ENOSF1: variants seen among roughly 807,000 people sequenced by gnomAD.
ENOSF1 encodes mitochondrial enolase superfamily member 1.
Under a neutral mutation model 68.2 loss-of-function variants are expected in ENOSF1, and 73 were observed. The observed-to-expected ratio is 1.07, with a 90% CI of 0.89 to 1.30. ENOSF1 has a LOEUF of 1.30. Ranked by LOEUF, ENOSF1 falls within the 50% of genes most tolerant of loss-of-function variation. The pLI, the probability that ENOSF1 is intolerant of heterozygous loss-of-function variation, is 0.00. For missense variants in ENOSF1, 589 were observed against 554.5 expected (o/e 1.06, Z -0.62); for synonymous variants, 223 against 210.4 (o/e 1.06, Z -0.52).
In ENOSF1 at chr18:675,321, C is replaced by G. The variant is rs996825186; in HGVS notation, c.1230G>C (p.Lys410Asn). Residue 410 changes from lysine to asparagine, a missense_variant and splice_region_variant, in exon 15 of 16, where the codon AAG (lysine) becomes AAC (asparagine). Physicochemically the swap from Lys to Asn is moderately conservative, Grantham distance 94 (BLOSUM62 0). Coordinates refer to ENST00000647584, the MANE Select transcript of ENOSF1 (RefSeq NM_017512.7). ...MIQRASYMPP[K>N]DPGYSTEMKE... ...CAGGGGCCCTCAGGCCACAGCTTAC[C>G]TTGGGAGGCATGTAGGAAGCCCGCT... 5 of 1,610,204 alleles carry G rather than the reference C, an allele frequency of 3.1e-6. No homozygotes were observed. In the African/African-American group the frequency reaches 6.7e-5, roughly 21 times the overall value.
At chr18:691,851 G>A (rs2077214819) in intron 5 of ENOSF1, 1 of 153,032 alleles carries the variant, frequency 6.5e-6, no homozygotes, top group Admixed American at 6.5e-5. Flanking sequence ...TTCCCGGAAG[G>A]AGGACCTGGC....
At chr18:691,130 T>G (rs772587524) in intron 6 of ENOSF1, 24 bp from the exon 7 acceptor site, 7 of 1,613,980 alleles carry the variant, frequency 4.3e-6, no homozygotes, top group Admixed American at 1.7e-5. Flanking sequence ...AAAGCATCAC[T>G]CACTCTTTTA....
At chr18:703,237 G>A (rs1267227932) in intron 2 of ENOSF1, among the ~76,000 whole-genome samples, 1 of 152,140 alleles carries the variant, frequency 6.6e-6, no homozygotes, top group Non-Finnish European at 1.5e-5. Context: ...TGGAGGAGGA[G>A]AGGGGAAGTG....
At chr18:710,340 G>A (rs1489848170) in intron 1 of ENOSF1, among the ~76,000 whole-genome samples, 1 of 152,112 alleles carries the variant, frequency 6.6e-6, no homozygotes, top group Non-Finnish European at 1.5e-5. Context: ...GAACTCCTGG[G>A]CTCAAGCGAT....
chr18:675,177 A>G, intron 15 of ENOSF1, 144 bp downstream of exon 15: 1 of 686,662 alleles, frequency 1.5e-6, no homozygotes, highest in East Asian at 2.7e-5. Context: ...GGATTTTGAT[A>G]CAGACAAACT....
chr18:684,745 G>A (rs1020362809), intron 10 of ENOSF1, among the ~76,000 whole-genome samples: 1 of 152,106 alleles, frequency 6.6e-6, no homozygotes, highest in Non-Finnish European at 1.5e-5. Flanking sequence ...TTAAGGGACA[G>A]CCCCTCATCC....
At chr18:695,373 T>TA (rs765908385) in intron 3 of ENOSF1, among the ~76,000 whole-genome samples, 8 of 152,186 alleles carry the variant, frequency 5.3e-5, no homozygotes, top group Non-Finnish European at 8.8e-5. Context: ...TTGGGTAACT[T>TA]AGTGTCCATT....
At chr18:686,399 G>C (rs2076614680) in intron 9 of ENOSF1, 1 of 180,700 alleles carries the variant, frequency 5.5e-6, no homozygotes, top group African/African-American at 2.4e-5. Context: ...TGAATGGAAA[G>C]GGTCTGGTTT....
chr18:669,482 C>T, downstream of ENOSF1: 1 of 212,708 alleles, frequency 4.7e-6, no homozygotes, highest in South Asian at 9.0e-5. Flanking sequence ...GAGTGATTCT[C>T]CTGCCTCAGC....
chr18:694,220 C>T, intron 4 of ENOSF1, 28 bp downstream of exon 4: 1 of 1,598,062 alleles, frequency 6.3e-7, no homozygotes. Flanking sequence ...CTCCCAGGAG[C>T]CTCCTGAGCG....
intron 5 of ENOSF1, chr18:692,510 A>G (rs372476789): frequency 3.6e-4 from 63 of 176,672 alleles, no homozygotes; most frequent in African/African-American, 1.5e-3. Context: ...CAGGAGGCTG[A>G]GACAGGAGAA....
At chr18:688,295 G>T in intron 9 of ENOSF1, 1 of 413,622 alleles carries the variant, frequency 2.4e-6, no homozygotes. Flanking sequence ...CGCTGTTACT[G>T]ACAGTAAAGA....
Position 706,491 on chromosome 18 carries a change from G to C in ENOSF1, c.172C>G (p.Leu58Val). The change falls in exon 2 of 16, where the codon CTG (leucine) becomes GTG (valine). Residue 58 changes from leucine (L) to valine (V), a missense_variant. Transcript: ENST00000647584. ...TCACCAACTTCAGTGCCTTTTCCCA[G>C]AGTGAAGGTAATTCCACACCCCTTG... ...GIKGCGITFT[L>V]GKGTEVVVCA... is the part of the protein sequence containing the mutation. The C allele has an allele frequency of 6.2e-7, 1 of 1,613,468 alleles. No homozygotes were observed.
intron 9 of ENOSF1, chr18:688,028 G>A (rs554887571): frequency 6.5e-6 from 1 of 153,576 alleles, no homozygotes; most frequent in African/African-American, 2.4e-5. Context: ...TTAGCCAGGT[G>A]TGGTGGCGGG....
intron 1 of ENOSF1, among the ~76,000 whole-genome samples, chr18:709,685 C>T (rs2079305674): frequency 6.6e-6 from 1 of 151,926 alleles, no homozygotes; most frequent in South Asian, 2.1e-4. Flanking sequence ...GTACGAGAAT[C>T]ATTTGCATAT....
At chr18:690,364 A>T (rs2077019955) in intron 8 of ENOSF1, among the ~76,000 whole-genome samples, 185 bp downstream of exon 8, 1 of 152,206 alleles carries the variant, frequency 6.6e-6, no homozygotes, top group African/African-American at 2.4e-5. Flanking sequence ...GTCAGAATTG[A>T]GTAAAATAGC....
chr18:688,896 T>G (rs922888536), intron 8 of ENOSF1, among the ~76,000 whole-genome samples: 1 of 152,140 alleles, frequency 6.6e-6, no homozygotes, highest in Non-Finnish European at 1.5e-5. Context: ...GCTAGAATAT[T>G]CTGTGGCATC....
At chr18:696,933 G>A (rs534808678) in intron 3 of ENOSF1, among the ~76,000 whole-genome samples, 2 of 152,030 alleles carry the variant, frequency 1.3e-5, no homozygotes, top group South Asian at 2.1e-4. Flanking sequence ...CCTGGCCAAC[G>A]TGGTCAAACC....
intron 2 of ENOSF1, among the ~76,000 whole-genome samples, chr18:705,775 G>GA (rs1718284140): frequency 1.3e-5 from 2 of 152,224 alleles, no homozygotes; most frequent in African/African-American, 4.8e-5. Context: ...TTGCGAGGCT[G>GA]AGACAGGCGG....
Sources: allele counts gnomAD v4.1 joint callset (sites outside exome capture counted in the v4.1 genomes callset), GRCh38; gene constraint gnomAD v4.1.1; transcripts MANE v1.5; gene names NCBI Gene and HGNC (gene_info 2026-07-23, HGNC 2026-07-21).